The following ITPKA variants were observed in gnomAD, a reference collection of about 807,000 sequenced individuals.
ITPKA encodes IP3 3-kinase A.
In ITPKA, 16 loss-of-function variants were observed where a neutral mutation model predicts 40.7. The ratio of observed to expected loss-of-function variants is 0.39; its 90% confidence interval spans 0.27 to 0.60. ITPKA has a LOEUF of 0.60. Among genes scored for constraint, ITPKA ranks in the 20% least tolerant of loss-of-function variants. The pLI, the probability that ITPKA is intolerant of heterozygous loss-of-function variation, is 0.50. For synonymous variants in ITPKA, 313 were observed against 289.9 expected, an observed-to-expected ratio of 1.08 and a Z score of -0.81; for missense variants, 540 against 649.3, an observed-to-expected ratio of 0.83 and a Z score of 1.83.
At position 41,502,463 on chromosome 15, in the gene ITPKA, G is replaced by C. The variant is rs1377038982; in HGVS notation, c.1070G>C (p.Arg357Pro). ...KTTRSREQVLRVFEEFVQGDE... is the reference protein window; with the variant it reads ...KTTRSREQVLPVFEEFVQGDE... ...ACGCGAAGCCGAGAGCAGGTGCTTC[G>C]CGTCTTTGAAGAGTTTGTGCAAGGA... The change falls in exon 5 of 7, where the codon CGC becomes CCC. Residue 357 changes from arginine to proline, a missense_variant. Transcript: ENST00000260386. 6.2e-7 allele frequency: 1 copy of C among 1,603,682 alleles called. No individual in the cohort carries two copies. Among genetic ancestry groups the C allele is most frequent in the Non-Finnish European group, 8.5e-7 (1 of 1,171,214 alleles).
chr15:41,503,170 T>A lies in ITPKA; in HGVS notation c.*4T>A, dbSNP rs1033397377. 3 of 1,573,722 alleles carry A rather than the reference T, an allele frequency of 1.9e-6. No individual in the cohort carries two copies. Among genetic ancestry groups the A allele is most frequent in the Admixed American group, 1.7e-5 (1 of 57,898 alleles). On this transcript the variant is annotated 3_prime_UTR_variant, in exon 7 of 7. Transcript: ENST00000260386. ...GGCCAGCCTGGCTGAGAGATGAGGC[T>A]GGACTCCTGTCCCCGCGGGCCGCTC... is the stretch of plus-strand genomic sequence containing the variant.
At chr15:41,497,561 G>C (rs1211977038) in intron 1 of ITPKA, among the ~76,000 whole-genome samples, 1 of 152,152 alleles carries the variant, frequency 6.6e-6, no homozygotes, top group Admixed American at 6.5e-5. Flanking sequence ...ATGTTCTCTG[G>C]GGGAGGTATC....
chr15:41,502,224 GCAC>G (rs1566858634), intron 4 of ITPKA, 23 bp downstream of exon 4: 6 of 1,548,704 alleles, frequency 3.9e-6, no homozygotes, highest in Non-Finnish European at 5.2e-6. Flanking sequence ...CGCTTCGCTG[GCAC>G]CGCCGCAGCC....
chr15:41,503,371 T>C lies in ITPKA; in HGVS notation c.*205T>C. 1.7e-6 allele frequency: 1 copy of C among 595,766 alleles called. No homozygotes were observed. The highest frequency in any genetic ancestry group is 2.0e-5 in the South Asian group (1 of 50,212). The allele number at this position is 595,766 out of a possible 1,614,324, so 36.9% of individuals were successfully genotyped here. A position where few individuals can be genotyped will look rare whatever the true frequency, so the allele number is the denominator to read the frequency against. On this transcript the variant is annotated 3_prime_UTR_variant, in exon 7 of 7. Transcript: ENST00000260386. ...GGGCCCCAGCGTTCCCAGAGCCAAA[T>C]GACACTAACTTATAGAAGGGGAGGG...
intron 1 of ITPKA, 43 bp from the exon 2 acceptor site, chr15:41,501,420 T>A: frequency 6.4e-7 from 1 of 1,568,964 alleles, no homozygotes; most frequent in Non-Finnish European, 8.6e-7. Context: ...GCTTATGCAT[T>A]GCCGAGACGC....
chr15:41,503,195 C>A lies in ITPKA; in HGVS notation c.*29C>A. On this transcript the variant is annotated 3_prime_UTR_variant, in exon 7 of 7. Transcript: ENST00000260386. ...TGGACTCCTGTCCCCGCGGGCCGCT[C>A]ACCTGACATGTGGACCTGCAGCTTT... 1 of 1,502,796 alleles carries A rather than the reference C, an allele frequency of 6.7e-7. No homozygotes were observed. The highest frequency in any genetic ancestry group is 1.2e-5 in the South Asian group (1 of 80,130). The allele number at this position is 1,502,796 out of a possible 1,614,324, so 93.1% of individuals were successfully genotyped here.
intron 4 of ITPKA, 37 bp from the exon 5 acceptor site, chr15:41,502,365 G>A (rs1275053271): frequency 2.7e-6 from 4 of 1,484,446 alleles, no homozygotes; most frequent in African/African-American, 1.4e-5. Flanking sequence ...CCCCACTGGC[G>A]GGCCCGGGGC....
intron 1 of ITPKA, among the ~76,000 whole-genome samples, chr15:41,497,447 C>T (rs138611272): frequency 0.011 from 1,644 of 152,274 alleles, 21 homozygotes; most frequent in Non-Finnish European, 0.017. Flanking sequence ...AGGCTGCTCT[C>T]GAACTCCTGA....
At chr15:41,497,578 A>G (rs1355871323) in intron 1 of ITPKA, among the ~76,000 whole-genome samples, 2 of 152,192 alleles carry the variant, frequency 1.3e-5, no homozygotes, top group East Asian at 3.8e-4. Context: ...TATCTCCCTA[A>G]GGTGGAAGGT....
At position 41,503,226 on chromosome 15, in the gene ITPKA, C is replaced by A; in HGVS notation, c.*60C>A. ...ACATGTGGACCTGCAGCTTTGTCCC[C>A]ACTGTGCATGCCGGCTTGAGACTGG... On this transcript the variant is annotated 3_prime_UTR_variant, in exon 7 of 7. Transcript: ENST00000260386. The A allele has an allele frequency of 7.8e-7, 1 of 1,282,858 alleles. No individual in the cohort carries two copies. The highest frequency in any genetic ancestry group is 1.1e-6 in the Non-Finnish European group (1 of 923,270). The allele number at this position is 1,282,858 out of a possible 1,614,324, so 79.5% of individuals were successfully genotyped here. A position where few individuals can be genotyped will look rare whatever the true frequency, so the allele number is the denominator to read the frequency against.
At chr15:41,496,557 C>CT (rs2051073595) in intron 1 of ITPKA, among the ~76,000 whole-genome samples, 1 of 152,208 alleles carries the variant, frequency 6.6e-6, no homozygotes, top group Non-Finnish European at 1.5e-5. Flanking sequence ...CTGCATGACT[C>CT]TATGGCCTTG....
At chr15:41,502,289 C>A (rs1419774398) in intron 4 of ITPKA, 88 bp downstream of exon 4, 2 of 1,313,054 alleles carry the variant, frequency 1.5e-6, no homozygotes, top group East Asian at 2.3e-5. Context: ...CCTGCCCCTC[C>A]GCCCTCTCCC....
At chr15:41,496,593 T>A (rs2051073892) in intron 1 of ITPKA, among the ~76,000 whole-genome samples, 1 of 151,978 alleles carries the variant, frequency 6.6e-6, no homozygotes, top group South Asian at 2.1e-4. Context: ...AATTGTGGGG[T>A]ATTGCTGGAG....
rs1025177718 is a variant in ITPKA, at chr15:41,494,004, C to A, written c.77C>A (p.Ala26Asp). 6.0e-6 allele frequency: 7 copies of A among 1,163,946 alleles called. No homozygotes were observed. Among genetic ancestry groups the A allele is most frequent in the Non-Finnish European group, 7.4e-6 (7 of 944,758 alleles). 72.1% of individuals were successfully genotyped at this position (1,163,946 alleles called of 1,614,324 possible). Reference sequence around the variant, plus strand: ...CCCTGCAGCCCGGGGCTGGAGCGGGCCCCGCGCCGGAGTGTCGGGGAGCTG... The same window carrying A: ...CCCTGCAGCCCGGGGCTGGAGCGGGACCCGCGCCGGAGTGTCGGGGAGCTG... Reference protein sequence around the residue: ...ARPCSPGLERAPRRSVGELRL... With the variant: ...ARPCSPGLERDPRRSVGELRL... Residue 26 changes from alanine (A) to aspartate (D), a missense_variant, in exon 1 of 7, where the codon GCC becomes GAC. By Grantham distance (126) the Ala-to-Asp change is moderately radical. Transcript: ENST00000260386. This position sits in a 1 kb window ranked among gnomAD's most constrained non-coding sequence, Gnocchi z 7.8.
chr15:41,501,955 G>T, intron 3 of ITPKA, 42 bp from the exon 4 acceptor site: 2 of 1,594,514 alleles, frequency 1.3e-6, no homozygotes, highest in East Asian at 4.5e-5. Context: ...GGGTCTCCGT[G>T]TGCGCCCCCT....
At chr15:41,499,449 C>G (rs1292547214) in intron 1 of ITPKA, among the ~76,000 whole-genome samples, 1 of 152,156 alleles carries the variant, frequency 6.6e-6, no homozygotes, top group Non-Finnish European at 1.5e-5. Context: ...GGAAACAGGC[C>G]CACACAGATG....
chr15:41,501,220 TGCTAAGTCCAG>T (rs2051107521), intron 1 of ITPKA: 2 of 702,708 alleles, frequency 2.8e-6, no homozygotes, highest in South Asian at 1.3e-4. Context: ...GGGCTTCAGA[TGCTAAGTCCAG>T]GCTCTTGACA....
Position 41,494,397 on chromosome 15 carries a change from C to G in ITPKA, c.470C>G (p.Ala157Gly), listed in dbSNP as rs900437484. The change falls in exon 1 of 7, where the codon GCG becomes GGG. Residue 157 changes from alanine to glycine, a missense_variant. Physicochemically the swap from Ala to Gly is moderately conservative, Grantham distance 60 (BLOSUM62 0). Coordinates refer to ENST00000260386, the MANE Select transcript of ITPKA (RefSeq NM_002220.3). This position sits in a 1 kb window ranked among gnomAD's most constrained non-coding sequence, Gnocchi z 7.8. ...AGCCGCGGCAACGTGCAGCTGGAAG[C>G]GGGCGAGGACGTGGGTCAGGTACGG... Reference protein sequence around the residue: ...SRSRGNVQLEAGEDVGQKNHW... With the variant: ...SRSRGNVQLEGGEDVGQKNHW... 4 of 1,477,406 alleles carry G rather than the reference C, an allele frequency of 2.7e-6. No homozygotes were observed. The Admixed American group carries it at 8.8e-5, about 32-fold the overall frequency. The allele number at this position is 1,477,406 out of a possible 1,614,324, so 91.5% of individuals were successfully genotyped here.
In ITPKA at chr15:41,502,963, G is replaced by A. The variant is rs767943853; in HGVS notation, c.1183G>A (p.Val395Met). 1.3e-6 allele frequency: 2 copies of A among 1,597,976 alleles called. No individual in the cohort carries two copies. The highest frequency in any genetic ancestry group is 1.7e-6 in the Non-Finnish European group (2 of 1,171,130). Residue 395 changes from valine to methionine, a missense_variant and splice_region_variant, in exon 7 of 7, where the codon GTG becomes ATG. Val to Met is a conservative substitution (Grantham distance 21, BLOSUM62 1). Transcript: ENST00000260386. ...EVSEFFRRHE[V>M]IGSSLLFVHD... The stretch of plus-strand genomic sequence containing the variant: ...CGGCCTGACGGTGCGGGGCTCGCAG[G>A]TGATCGGCAGCTCGCTCCTCTTTGT...
Sources: gnomAD v4.1 joint callset for allele counts (sites outside exome capture counted in the v4.1 genomes callset) on GRCh38, gnomAD v4.1.1 for gene constraint, Gnocchi (gnomAD v3.1) non-coding constraint, MANE v1.5 for transcripts, NCBI Gene and HGNC (gene_info 2026-07-23, HGNC 2026-07-21) for gene names.